The following GLIS3 variants were observed in gnomAD, a reference collection of about 807,000 sequenced individuals.
The protein encoded by GLIS3 is GLIS family zinc finger 3.
Under a neutral mutation model 78.6 loss-of-function variants are expected in GLIS3, and 53 were observed. The observed-to-expected ratio is 0.67, with a 90% CI of 0.54 to 0.85. The LOEUF (loss-of-function observed/expected upper bound fraction) is 0.85. GLIS3 is among the 40% of genes least tolerant of loss of function. The pLI is 0.00. For missense variants in GLIS3, 1,703 were observed against 1,231.1 expected (o/e 1.38, Z -5.74); for synonymous variants, 684 against 509.9 (o/e 1.34, Z -4.60).
chr9:3,979,591 G>C (rs369000996), intron 4 of GLIS3, among the ~76,000 whole-genome samples: 1 of 152,156 alleles, frequency 6.6e-6, no homozygotes, highest in African/African-American at 2.4e-5. Flanking sequence ...AAGCCTTCTT[G>C]GACCTCTTAT....
intron 2 of GLIS3, among the ~76,000 whole-genome samples, chr9:4,170,917 T>C (rs140722633): frequency 3.0e-4 from 46 of 152,210 alleles, no homozygotes; most frequent in African/African-American, 1.1e-3. Flanking sequence ...AAGTAGAAAA[T>C]GTTGTCATTT....
intron 2 of GLIS3, among the ~76,000 whole-genome samples, chr9:4,235,639 T>C (rs997039531): frequency 1.3e-5 from 2 of 152,156 alleles, no homozygotes; most frequent in African/African-American, 4.8e-5. Flanking sequence ...ACGAAGGTCT[T>C]CTGTGAGTGT....
intron 2 of GLIS3, among the ~76,000 whole-genome samples, chr9:4,197,406 C>T (rs555831725): frequency 6.6e-5 from 10 of 152,342 alleles, no homozygotes; most frequent in African/African-American, 2.4e-4. Context: ...ACAGGTAGAT[C>T]TTTGAGCATC....
At chr9:4,442,113 T>G in the GLIS3 span, among the ~76,000 whole-genome samples, 4 of 152,228 alleles carry the variant, frequency 2.6e-5, no homozygotes, top group African/African-American at 9.6e-5. Context: ...TTTTCACTCC[T>G]GACTCAATCT....
chr9:4,037,547 A>ACAC (rs1554677924), intron 4 of GLIS3, among the ~76,000 whole-genome samples: 1 of 147,380 alleles, frequency 6.8e-6, no homozygotes, highest in African/African-American at 2.5e-5. Context: ...GTGTGCACAC[A>ACAC]ACACACACAC....
At chr9:4,284,744 CAAA>C (rs796997240) in intron 2 of GLIS3, among the ~76,000 whole-genome samples, 1 of 123,998 alleles carries the variant, frequency 8.1e-6, no homozygotes, top group Non-Finnish European at 1.7e-5. Flanking sequence ...AATCCTGTCT[CAAA>C]AAAAAAAAAA....
the GLIS3 span, among the ~76,000 whole-genome samples, chr9:4,359,726 A>G: frequency 5.3e-5 from 8 of 152,212 alleles, no homozygotes; most frequent in Non-Finnish European, 1.2e-4. Flanking sequence ...ATAAACAGAC[A>G]TTGATTTCTG....
chr9:4,344,833 T>A (rs146131520), intron 2 of GLIS3, among the ~76,000 whole-genome samples: 1 of 152,190 alleles, frequency 6.6e-6, no homozygotes, highest in African/African-American at 2.4e-5. Context: ...ATTCCTTGTC[T>A]GCTCTCTTCC....
chr9:4,184,755 G>C (rs1196149651), intron 2 of GLIS3, among the ~76,000 whole-genome samples: 1 of 152,190 alleles, frequency 6.6e-6, no homozygotes, highest in Non-Finnish European at 1.5e-5. Context: ...ATCTGATAAA[G>C]TCTACAATAT....
intron 4 of GLIS3, among the ~76,000 whole-genome samples, chr9:3,972,621 C>T (rs978106037): frequency 6.6e-6 from 1 of 152,106 alleles, no homozygotes; most frequent in Non-Finnish European, 1.5e-5. Flanking sequence ...CATAAGCCAT[C>T]TTTAGGCACT....
intron 2 of GLIS3, among the ~76,000 whole-genome samples, chr9:4,181,618 G>C (rs748869451): frequency 2.0e-5 from 3 of 152,196 alleles, no homozygotes; most frequent in Non-Finnish European, 4.4e-5. Context: ...CCATGCACAT[G>C]CAAGTGACTT....
chr9:4,436,665 G>T, the GLIS3 span, among the ~76,000 whole-genome samples: 70 of 152,048 alleles, frequency 4.6e-4, no homozygotes, highest in South Asian at 1.0e-3. Context: ...AATCAGCTGG[G>T]CATGGTGGCG....
At chr9:4,258,316 T>C (rs1825175019) in intron 2 of GLIS3, among the ~76,000 whole-genome samples, 1 of 148,028 alleles carries the variant, frequency 6.8e-6, no homozygotes, top group Non-Finnish European at 1.5e-5. Context: ...AGTTTTAGTT[T>C]ACAGTAACAT....
chr9:4,290,223 C>G (rs2130380178), intron 1 of GLIS3, among the ~76,000 whole-genome samples: 1 of 152,198 alleles, frequency 6.6e-6, no homozygotes, highest in Non-Finnish European at 1.5e-5. Context: ...TTTCCTTAGG[C>G]TACATTTAGC....
rs149338879 is a variant in GLIS3, at chr9:4,334,134, C to T, written n.264+12947G>A. ...AAGTTCTGACTGAGCAGTGAGATCTCATAAAAATTCACCCAAATTTAGGTA... is the reference window on the plus strand; with the variant it reads ...AAGTTCTGACTGAGCAGTGAGATCTTATAAAAATTCACCCAAATTTAGGTA... On this transcript the variant is annotated intron_variant and non_coding_transcript_variant, in intron 2 of 4. Coordinates refer to the GLIS3 transcript ENST00000471664. Among the ~76,000 whole-genome samples, 13 of 152,238 alleles carry T rather than the reference C, an allele frequency of 8.5e-5. 1 individual carries two copies. The East Asian group carries it at 2.5e-3, about 29-fold the overall frequency.
At position 4,118,467 on chromosome 9, in the gene GLIS3, C is replaced by G. The variant is rs201573290; in HGVS notation, c.1011G>C (p.Ser337=). ...CCGGCTGCGGGGACAGGTTGGCCGG[C>G]GAAGCCCTCGACCCGTTGATGTAGG... The part of the protein sequence containing the change: ...LVAYINGSRA[S]PANLSPQPEV... The change falls in exon 4 of 11, where the codon TCG becomes TCC. Residue 337 remains serine, a synonymous_variant. Transcript: ENST00000381971. This position sits in a 1 kb window ranked among gnomAD's most constrained non-coding sequence, Gnocchi z 4.7. 78 of 1,613,592 alleles carry G rather than the reference C, an allele frequency of 4.8e-5. No homozygotes were observed. Among genetic ancestry groups the G allele is most frequent in the Non-Finnish European group, 5.4e-5 (64 of 1,180,024 alleles).
intron 5 of GLIS3, among the ~76,000 whole-genome samples, chr9:3,933,891 C>T: frequency 6.6e-6 from 1 of 152,152 alleles, no homozygotes; most frequent in East Asian, 1.9e-4. Context: ...AAATCATGAA[C>T]ATATAATTTA....
At chr9:4,414,153 G>C in the GLIS3 span, among the ~76,000 whole-genome samples, 1 of 152,064 alleles carries the variant, frequency 6.6e-6, no homozygotes, top group African/African-American at 2.4e-5. Flanking sequence ...TAACACAAAA[G>C]GGTAGAATTG....
chr9:4,067,219 T>C (rs1827176234), intron 4 of GLIS3, among the ~76,000 whole-genome samples: 1 of 151,780 alleles, frequency 6.6e-6, no homozygotes, highest in South Asian at 2.1e-4. Context: ...AAATTCTTTA[T>C]ATTACTTTAA....
Sources: gnomAD v4.1 joint callset for allele counts (sites outside exome capture counted in the v4.1 genomes callset) on GRCh38, gnomAD v4.1.1 for gene constraint, Gnocchi (gnomAD v3.1) non-coding constraint, MANE v1.5 for transcripts, NCBI Gene and HGNC (gene_info 2026-07-23, HGNC 2026-07-21) for gene names.